Variants in DNAH8 observed in about 807,000 individuals in gnomAD.
DNAH8 encodes dynein axonemal heavy chain 8, also known as axonemal beta dynein heavy chain 8.
Under a neutral mutation model 562.1 loss-of-function variants are expected in DNAH8, and 382 were observed. The ratio of observed to expected loss-of-function variants is 0.68; its 90% confidence interval spans 0.63 to 0.74. The LOEUF (loss-of-function observed/expected upper bound fraction) is 0.74. Among genes scored for constraint, DNAH8 ranks in the 30% least tolerant of loss-of-function variants. The probability of loss-of-function intolerance (pLI) is 0.00; values close to 1 mark genes in which losing one functional copy is unlikely to be tolerated. For synonymous variants in DNAH8, 1,881 were observed against 1,919.4 expected, an observed-to-expected ratio of 0.98 and a Z score of 0.52; for missense variants, 5,203 against 5,620.4, an observed-to-expected ratio of 0.93 and a Z score of 2.37.
intron 53 of DNAH8, among the ~76,000 whole-genome samples, chr6:38,876,200 C>A (rs898565237): frequency 1.3e-5 from 2 of 152,226 alleles, no homozygotes; most frequent in Non-Finnish European, 2.9e-5. Context: ...CACAATTCCC[C>A]TGTTGGGAAT....
intron 75 of DNAH8, among the ~76,000 whole-genome samples, chr6:38,930,137 A>T (rs1210035580): frequency 6.6e-6 from 1 of 152,172 alleles, no homozygotes; most frequent in Non-Finnish European, 1.5e-5. Context: ...AAAGTCATTG[A>T]TTTAATAAAG....
At chr6:38,920,902 T>A (rs561652817) in intron 70 of DNAH8, among the ~76,000 whole-genome samples, 2 of 152,206 alleles carry the variant, frequency 1.3e-5, no homozygotes, top group South Asian at 2.1e-4. Flanking sequence ...ATTAAAAAAA[T>A]TTTTTTGAGA....
chr6:38,733,659 C>A (rs187321047), intron 4 of DNAH8, among the ~76,000 whole-genome samples: 87 of 152,264 alleles, frequency 5.7e-4, no homozygotes, highest in Middle Eastern at 3.4e-3. Context: ...GCCTGTAATC[C>A]CAGCACTTTG....
At chr6:38,930,553 GAA>G (rs1290657748) in intron 75 of DNAH8, among the ~76,000 whole-genome samples, 1 of 152,014 alleles carries the variant, frequency 6.6e-6, no homozygotes, top group East Asian at 1.9e-4. Context: ...TTTATAGGGA[GAA>G]AAATAAATAA....
chr6:38,893,626 G>T (rs1422108136), intron 58 of DNAH8, among the ~76,000 whole-genome samples: 11 of 152,192 alleles, frequency 7.2e-5, no homozygotes, highest in South Asian at 4.1e-4. Flanking sequence ...ATGGAACTGA[G>T]CAAAGAGGGA....
Position 38,778,935 on chromosome 6 carries a change from A to G in DNAH8, c.2039+471A>G, listed in dbSNP as rs192467471. ...TATAACATGATATTTTTAAATATGT[A>G]GTGAAATGGTTGCTACAACCAAGCC... is the stretch of plus-strand genomic sequence containing the variant. On this transcript the variant is annotated intron_variant, in intron 14 of 92. Coordinates refer to ENST00000327475, the MANE Select transcript of DNAH8 (RefSeq NM_001206927.2). Among the ~76,000 whole-genome samples the G allele has an allele frequency of 6.0e-4, 91 of 152,354 alleles. 1 individual carries two copies. Among genetic ancestry groups the G allele is most frequent in the Admixed American group, 4.9e-3 (75 of 15,306 alleles).
At chr6:39,013,478 CA>C (rs1321637096) in intron 91 of DNAH8, among the ~76,000 whole-genome samples, 2 of 152,024 alleles carry the variant, frequency 1.3e-5, no homozygotes, top group Non-Finnish European at 2.9e-5. Flanking sequence ...TCCATTTATA[CA>C]AAGAAGAAGA....
chr6:38,750,822 A>C (rs1326262960), intron 9 of DNAH8, among the ~76,000 whole-genome samples: 1 of 152,122 alleles, frequency 6.6e-6, no homozygotes, highest in Non-Finnish European at 1.5e-5. Context: ...AATGCATTAA[A>C]AATCTTTAAT....
intron 54 of DNAH8, 50 bp downstream of exon 54, chr6:38,883,102 C>G (rs370100981): frequency 1.4e-6 from 2 of 1,467,282 alleles, no homozygotes; most frequent in Non-Finnish European, 1.8e-6. Flanking sequence ...TCCATGGCCA[C>G]GGGAATATGC....
intron 89 of DNAH8, among the ~76,000 whole-genome samples, chr6:39,009,465 A>G (rs1766034111): frequency 6.6e-6 from 1 of 152,214 alleles, no homozygotes; most frequent in East Asian, 1.9e-4. Context: ...GGGTAGAACA[A>G]TTAGTGGAGA....
chr6:38,944,368 T>C lies in DNAH8; in HGVS notation c.12008-1099T>C, dbSNP rs527504420. ...TACATGAAAAAAGTACTTTCGTTCA[T>C]ACAGCTACTCAGGACGATGCTAGAT... On this transcript the variant is annotated intron_variant, in intron 79 of 92. Coordinates refer to ENST00000327475, the MANE Select transcript of DNAH8 (RefSeq NM_001206927.2). 1.6e-3 allele frequency among the ~76,000 whole-genome samples: 249 copies of C among 152,316 alleles called. 2 individuals carry two copies. The South Asian group carries it at 0.032, about 20-fold the overall frequency.
Position 38,926,095 on chromosome 6 carries a change from T to A in DNAH8, c.11003T>A (p.Leu3668His). The A allele has an allele frequency of 1.2e-6, 2 of 1,613,824 alleles. No individual in the cohort carries two copies. Among genetic ancestry groups the A allele is most frequent in the Non-Finnish European group, 1.7e-6 (2 of 1,179,796 alleles). ...CTACAGGGATTACCAGGAGATGATC[T>A]CTCAATTCAGAATGGCATTATTGTG... is the stretch of plus-strand genomic sequence containing the variant. ...WGLQGLPGDD[L>H]SIQNGIIVTK... is the part of the protein sequence containing the mutation. The change falls in exon 74 of 93, where the codon CTC becomes CAC. Residue 3668 changes from leucine (L) to histidine (H), a missense_variant. Leu to His is a moderately conservative substitution (Grantham distance 99). Around this residue, in one of 6 missense-constraint regions of DNAH8, gnomAD observed 1,399 missense variants for 1,518.4 expected, o/e 0.92. Transcript: ENST00000327475.
chr6:39,017,469 T>C (rs1460539794), intron 91 of DNAH8, among the ~76,000 whole-genome samples: 1 of 152,182 alleles, frequency 6.6e-6, no homozygotes, highest in East Asian at 1.9e-4. Flanking sequence ...CATTTGATGT[T>C]AGCTATGACT....
intron 84 of DNAH8, among the ~76,000 whole-genome samples, chr6:38,974,068 A>G: frequency 6.6e-6 from 1 of 152,190 alleles, no homozygotes; most frequent in East Asian, 1.9e-4. Context: ...AGTTTATACA[A>G]TGCTGAACTT....
rs1773312137 is a variant in DNAH8, at chr6:38,826,308, G to A, written c.4000G>A (p.Asp1334Asn). The A allele has an allele frequency of 6.2e-7, 1 of 1,613,436 alleles. No individual in the cohort carries two copies. The highest frequency in any genetic ancestry group is 1.3e-5 in the African/African-American group (1 of 74,866). Residue 1334 changes from aspartate to asparagine, a missense_variant, in exon 29 of 93, where the codon GAT becomes AAT. Around this residue, in one of 6 missense-constraint regions of DNAH8, gnomAD observed 2,176 missense variants for 2,365.1 expected, o/e 0.92. Coordinates refer to ENST00000327475, the MANE Select transcript of DNAH8 (RefSeq NM_001206927.2). ...GTTATCTAGACCTATTCGTGATTTAGATGATGTCAGATTTGCAATGGAAGC... is the reference window on the plus strand; with the variant it reads ...GTTATCTAGACCTATTCGTGATTTAAATGATGTCAGATTTGCAATGGAAGC... Reference protein sequence around the residue: ...KKLSRPIRDLDDVRFAMEALS... With the variant: ...KKLSRPIRDLNDVRFAMEALS...
Position 38,945,544 on chromosome 6 carries a change from G to A in DNAH8, c.12085G>A (p.Val4029Met). 4 of 1,614,120 alleles carry A rather than the reference G, an allele frequency of 2.5e-6. No homozygotes were observed. The highest frequency in any genetic ancestry group is 3.4e-6 in the Non-Finnish European group (4 of 1,180,018). The change falls in exon 80 of 93, where the codon GTG becomes ATG. Residue 4029 changes from valine to methionine, a missense_variant. Physicochemically the swap from Val to Met is conservative, Grantham distance 21. This residue lies in a region of DNAH8 where 1,399 missense variants were observed against 1,518.4 expected (regional missense o/e 0.92). Coordinates refer to ENST00000327475, the MANE Select transcript of DNAH8 (RefSeq NM_001206927.2). ...CCTTGACATGACTTGGCTGAATCTT[G>A]TGGAGCTGAGTAAACTTCCACAATT... ...WILDMTWLNL[V>M]ELSKLPQFAE...
intron 91 of DNAH8, among the ~76,000 whole-genome samples, chr6:39,018,592 C>A (rs746314379): frequency 5.3e-5 from 8 of 152,198 alleles, no homozygotes; most frequent in Non-Finnish European, 1.2e-4. Context: ...GGAATTTCAT[C>A]CTCCTGCAAA....
At chr6:38,986,917 C>A (rs1294927745) in intron 87 of DNAH8, among the ~76,000 whole-genome samples, 1 of 152,232 alleles carries the variant, frequency 6.6e-6, no homozygotes, top group Non-Finnish European at 1.5e-5. Context: ...ATCAAGTTGT[C>A]TCAGACTGTA....
At position 38,778,470 on chromosome 6, in the gene DNAH8, C is replaced by A; in HGVS notation, c.2039+6C>A. 1.9e-6 allele frequency: 3 copies of A among 1,548,476 alleles called. No individual in the cohort carries two copies. Among genetic ancestry groups the A allele is most frequent in the Non-Finnish European group, 2.7e-6 (3 of 1,127,480 alleles). On this transcript the variant is annotated splice_donor_region_variant and intron_variant, in intron 14 of 92. Transcript: ENST00000327475. Reference sequence around the variant, plus strand: ...GCTCTTCAGCTACTTCAAAGGTATTCATAACACTTTAAGCAGAGTAGTTTC... The same window carrying A: ...GCTCTTCAGCTACTTCAAAGGTATTAATAACACTTTAAGCAGAGTAGTTTC...
Sources: allele counts gnomAD v4.1 joint callset (sites outside exome capture counted in the v4.1 genomes callset), GRCh38; gene constraint gnomAD v4.1.1; regional missense constraint gnomAD v4.1.1; transcripts MANE v1.5; gene names NCBI Gene and HGNC (gene_info 2026-07-23, HGNC 2026-07-21).